ALPK1: variants seen among roughly 807,000 people sequenced by gnomAD.
ALPK1 encodes the protein alpha-protein kinase 1.
Under a neutral mutation model 120.6 loss-of-function variants are expected in ALPK1, and 110 were observed. The ratio of observed to expected loss-of-function variants is 0.91; its 90% CI spans 0.78 to 1.07. The LOEUF (loss-of-function observed/expected upper bound fraction) is 1.07, where lower values mean the gene tolerates loss of function less well. Ranked by LOEUF, ALPK1 falls within the 50% of genes least tolerant of loss-of-function variation. The pLI is 0.00. For missense variants in ALPK1, 1,498 were observed against 1,483.9 expected (o/e 1.01, Z -0.16); for synonymous variants, 582 against 560.3 (o/e 1.04, Z -0.55).
rs751844364 is a variant in ALPK1, at chr4:112,431,301, A to G, written c.1754A>G (p.Asn585Ser). 5.0e-6 allele frequency: 8 copies of G among 1,614,170 alleles called. No homozygotes were observed. Among genetic ancestry groups the G allele is most frequent in the East Asian group, 4.5e-5 (2 of 44,872 alleles). Residue 585 changes from asparagine (N) to serine (S), a missense_variant, in exon 11 of 16, where the codon AAC (asparagine) becomes AGC (serine). Coordinates refer to ENST00000650871, the MANE Select transcript of ALPK1 (RefSeq NM_025144.4). ...SGSQTSSAWS[N>S]LSGFSSSASW... ...AGCCAGACTTCCAGTGCTTGGAGCA[A>G]CTTATCAGGGTTTAGTTCCTCTGCA...
Position 112,431,158 on chromosome 4 carries a change from A to G in ALPK1, c.1611A>G (p.Arg537=). ...VQRELRRGGR[R]NWTHSDAFRV... ...GGGAACTCAGAAGGGGAGGAAGGAG[A>G]AACTGGACCCATTCTGATGCATTTC... Residue 537 remains arginine, a synonymous_variant, in exon 11 of 16, where the codon AGA becomes AGG. Transcript: ENST00000650871. The G allele has an allele frequency of 1.2e-6, 2 of 1,614,182 alleles. No homozygotes were observed. Among genetic ancestry groups the G allele is most frequent in the Non-Finnish European group, 1.7e-6 (2 of 1,180,034 alleles).
chr4:112,348,469 TC>T, intron 2 of ALPK1, among the ~76,000 whole-genome samples: 1 of 152,244 alleles, frequency 6.6e-6, no homozygotes, highest in Non-Finnish European at 1.5e-5. Context: ...GAGTTTGTTC[TC>T]CTTAAGATCA....
chr4:112,414,238 T>G (rs761412885), intron 5 of ALPK1: 6 of 483,384 alleles, frequency 1.2e-5, no homozygotes, highest in Non-Finnish European at 2.1e-5. Context: ...ATCCATCTGA[T>G]CCAGCGCTTC....
At chr4:112,404,796 C>T (rs1733092320) in intron 4 of ALPK1, among the ~76,000 whole-genome samples, 1 of 152,132 alleles carries the variant, frequency 6.6e-6, no homozygotes, top group Non-Finnish European at 1.5e-5. Flanking sequence ...GAGCTTTGTT[C>T]TGGGACTCAG....
At chr4:112,358,877 C>T (rs1056480283) in intron 2 of ALPK1, 2 of 774,798 alleles carry the variant, frequency 2.6e-6, no homozygotes, top group African/African-American at 1.7e-5. Flanking sequence ...ACTTTGCTGC[C>T]CTGGCGACCT....
chr4:112,397,808 G>T (rs1388973173), intron 4 of ALPK1, among the ~76,000 whole-genome samples: 1 of 148,230 alleles, frequency 6.7e-6, no homozygotes, highest in African/African-American at 2.6e-5. Context: ...CTGGGGTGGG[G>T]TGGGGAGCAG....
At chr4:112,339,949 GAA>G (rs1434990530) in intron 2 of ALPK1, among the ~76,000 whole-genome samples, 1 of 152,168 alleles carries the variant, frequency 6.6e-6, no homozygotes, top group Non-Finnish European at 1.5e-5. Context: ...AGACACTTAG[GAA>G]AAAGTGAAAT....
At chr4:112,421,170 A>T (rs528511732) in intron 5 of ALPK1, among the ~76,000 whole-genome samples, 1 of 152,284 alleles carries the variant, frequency 6.6e-6, no homozygotes, top group African/African-American at 2.4e-5. Context: ...AGCGTACTCC[A>T]TGCCTATAGA....
At chr4:112,389,913 T>C (rs1481168534) in intron 4 of ALPK1, among the ~76,000 whole-genome samples, 2 of 152,214 alleles carry the variant, frequency 1.3e-5, no homozygotes, top group African/African-American at 4.8e-5. Flanking sequence ...GTAGGTCTTA[T>C]TTTCTAAATC....
At chr4:112,329,355 T>A (rs1729260016) in intron 2 of ALPK1, among the ~76,000 whole-genome samples, 1 of 152,238 alleles carries the variant, frequency 6.6e-6, no homozygotes, top group Non-Finnish European at 1.5e-5. Context: ...GACTGACTTA[T>A]AACTGAAATG....
intron 1 of ALPK1, among the ~76,000 whole-genome samples, chr4:112,309,783 G>A (rs1213370013): frequency 6.6e-6 from 1 of 151,884 alleles, no homozygotes; most frequent in Non-Finnish European, 1.5e-5. Context: ...TACTTTTCTT[G>A]TTGCAAGACC....
At chr4:112,344,778 A>G (rs1730033816) in intron 2 of ALPK1, among the ~76,000 whole-genome samples, 1 of 152,226 alleles carries the variant, frequency 6.6e-6, no homozygotes, top group Admixed American at 6.5e-5. Context: ...TAAAGCCAAT[A>G]TCACAAAGTT....
At chr4:112,420,340 T>A in intron 5 of ALPK1, among the ~76,000 whole-genome samples, 1 of 152,210 alleles carries the variant, frequency 6.6e-6, no homozygotes, top group Admixed American at 6.5e-5. Context: ...CTAAAACAAT[T>A]TAATCACAGT....
intron 2 of ALPK1, among the ~76,000 whole-genome samples, chr4:112,346,595 C>G (rs1368701233): frequency 6.6e-6 from 1 of 152,246 alleles, no homozygotes; most frequent in Non-Finnish European, 1.5e-5. Context: ...TGAAATTGCT[C>G]TGGGTCCATG....
chr4:112,324,854 A>G lies in ALPK1; in HGVS notation c.-101+9002A>G, dbSNP rs1489468126. Among the ~76,000 whole-genome samples the G allele has an allele frequency of 2.0e-5, 3 of 151,896 alleles. No individual in the cohort carries two copies. In the East Asian group the frequency reaches 5.8e-4, roughly 29 times the overall value. ...TTGTGGTAGATTGTCTGTCCCAAAA[A>G]TATTCTGTGAAAGTAAGAATTGTAG... On this transcript the variant is annotated intron_variant, in intron 2 of 15. Coordinates refer to ENST00000650871, the MANE Select transcript of ALPK1 (RefSeq NM_025144.4).
chr4:112,324,754 G>A (rs1345664983), intron 2 of ALPK1, among the ~76,000 whole-genome samples: 1 of 152,128 alleles, frequency 6.6e-6, no homozygotes, highest in African/African-American at 2.4e-5. Flanking sequence ...TGGAATTACA[G>A]GTGTTAGCTA....
chr4:112,437,109 A>T (rs1734818888), intron 12 of ALPK1, among the ~76,000 whole-genome samples: 1 of 152,170 alleles, frequency 6.6e-6, no homozygotes, highest in South Asian at 2.1e-4. Flanking sequence ...CAGTAGTCAA[A>T]CTCCAAACAC....
At chr4:112,354,307 C>T (rs1480483477) in intron 2 of ALPK1, among the ~76,000 whole-genome samples, 1 of 151,968 alleles carries the variant, frequency 6.6e-6, no homozygotes, top group Non-Finnish European at 1.5e-5. Flanking sequence ...CTCTTTTACA[C>T]ACTGTGTAGT....
At chr4:112,310,463 G>T (rs1028235485) in intron 1 of ALPK1, among the ~76,000 whole-genome samples, 4 of 151,970 alleles carry the variant, frequency 2.6e-5, no homozygotes, top group Non-Finnish European at 5.9e-5. Context: ...TGTATCAGCG[G>T]GTATGTGTTT....
Sources: allele counts gnomAD v4.1 joint callset (sites outside exome capture counted in the v4.1 genomes callset), GRCh38; gene constraint gnomAD v4.1.1; transcripts MANE v1.5; gene names NCBI Gene and HGNC (gene_info 2026-07-23, HGNC 2026-07-21).